Variants in LYRM4 observed in about 807,000 individuals in gnomAD.
The protein encoded by LYRM4 is LYR motif containing 4, also known as LYR motif-containing protein 4.
LYRM4 carries 9 observed loss-of-function variants against 11.7 expected under a neutral mutation model. That is an observed-to-expected ratio of 0.77 (90% CI 0.46 to 1.34). The LOEUF (loss-of-function observed/expected upper bound fraction) is 1.34, where lower values mean the gene tolerates loss of function less well. Among genes scored for constraint, LYRM4 ranks in the 40% most tolerant of loss-of-function variants. The pLI, the probability that LYRM4 is intolerant of heterozygous loss-of-function variation, is 0.00. For missense variants in LYRM4, 133 were observed against 112.5 expected, an observed-to-expected ratio of 1.18 and a Z score of -0.82; for synonymous variants, 42 against 40.4, an observed-to-expected ratio of 1.04 and a Z score of -0.15.
intron 1 of LYRM4, among the ~76,000 whole-genome samples, chr6:5,235,063 A>G (rs1378807293): frequency 1.3e-5 from 2 of 152,110 alleles, no homozygotes; most frequent in Non-Finnish European, 2.9e-5. Context: ...TCTCTTTAAG[A>G]CAGTGCTTGG....
At position 5,108,761 on chromosome 6, in the gene LYRM4, C is replaced by G. The variant is rs534646883; in HGVS notation, c.*662G>C. The G allele has an allele frequency of 8.1e-6, 8 of 984,486 alleles. No individual in the cohort carries two copies. Among genetic ancestry groups the G allele is most frequent in the African/African-American group, 7.0e-5 (4 of 57,342 alleles). 61.0% of individuals were successfully genotyped at this position (984,486 alleles called of 1,614,324 possible). On this transcript the variant is annotated 3_prime_UTR_variant, in exon 3 of 3. Coordinates refer to ENST00000330636, the MANE Select transcript of LYRM4 (RefSeq NM_020408.6). ...TGGGGAGGGGCTTGAGCCTGCATTT[C>G]CAGCAAATTCCCAGGTGGGGCTGAG...
chr6:5,248,475 A>G (rs896070993), intron 1 of LYRM4, among the ~76,000 whole-genome samples: 1 of 152,256 alleles, frequency 6.6e-6, no homozygotes, highest in Non-Finnish European at 1.5e-5. Context: ...ATCTTAGCAC[A>G]GCATACAAAG....
At chr6:5,125,693 G>C (rs984801426) in intron 2 of LYRM4, among the ~76,000 whole-genome samples, 1 of 152,194 alleles carries the variant, frequency 6.6e-6, no homozygotes, top group African/African-American at 2.4e-5. Flanking sequence ...ACGTTCTAAT[G>C]TACTCATATG....
the LYRM4 span, among the ~76,000 whole-genome samples, chr6:5,052,454 C>T: frequency 6.6e-6 from 1 of 151,728 alleles, no homozygotes; most frequent in Non-Finnish European, 1.5e-5. Context: ...CAGTGTATGC[C>T]TTTTTTTTGT....
chr6:5,061,051 A>G, the LYRM4 span, among the ~76,000 whole-genome samples: 1 of 152,204 alleles, frequency 6.6e-6, no homozygotes, highest in Non-Finnish European at 1.5e-5. Flanking sequence ...GCTCAGAAAC[A>G]GTTTATAGTC....
intron 2 of LYRM4, among the ~76,000 whole-genome samples, chr6:5,115,035 T>G (rs1426742898): frequency 6.6e-6 from 1 of 152,252 alleles, no homozygotes; most frequent in Non-Finnish European, 1.5e-5. Flanking sequence ...GCTTATATCA[T>G]TAACTGTTCT....
In LYRM4 at chr6:5,188,073, G is replaced by A. The variant is rs527749710; in HGVS notation, c.207+28545C>T. Among the ~76,000 whole-genome samples the A allele has an allele frequency of 3.9e-5, 6 of 152,308 alleles. 1 individual carries two copies. Among genetic ancestry groups the A allele is most frequent in the African/African-American group, 7.2e-5 (3 of 41,566 alleles). The stretch of plus-strand genomic sequence containing the variant: ...CTAATCTTTAGAATGCATTGGCCAC[G>A]CATGGTGGCTCACACCTGTAATCCC... On this transcript the variant is annotated intron_variant, in intron 2 of 2. Transcript: ENST00000330636.
intron 2 of LYRM4, among the ~76,000 whole-genome samples, chr6:5,200,141 T>C (rs897666891): frequency 6.6e-6 from 1 of 152,196 alleles, no homozygotes; most frequent in Non-Finnish European, 1.5e-5. Context: ...GCTATAAATA[T>C]ATAGGACACT....
the LYRM4 span, among the ~76,000 whole-genome samples, chr6:5,050,429 T>G: frequency 2.0e-5 from 3 of 151,480 alleles, no homozygotes; most frequent in Non-Finnish European, 3.0e-5. Flanking sequence ...TGAGCAGCAT[T>G]GCTGCAACCA....
At chr6:5,128,168 G>C (rs939666883) in intron 2 of LYRM4, among the ~76,000 whole-genome samples, 1 of 152,246 alleles carries the variant, frequency 6.6e-6, no homozygotes, top group East Asian at 1.9e-4. Context: ...AAGCAAACTT[G>C]GTTCTGCTTG....
chr6:5,120,499 C>T, intron 2 of LYRM4, among the ~76,000 whole-genome samples: 1 of 152,180 alleles, frequency 6.6e-6, no homozygotes, highest in East Asian at 1.9e-4. Context: ...AAGTGAGCAG[C>T]AGCAAGATTT....
chr6:5,139,600 A>G (rs528394205), intron 2 of LYRM4, among the ~76,000 whole-genome samples: 1 of 152,324 alleles, frequency 6.6e-6, no homozygotes, highest in Non-Finnish European at 1.5e-5. Context: ...TATGCAGTGA[A>G]CTGTAACCTA....
chr6:5,255,107 C>T (rs772826924), intron 1 of LYRM4, among the ~76,000 whole-genome samples: 4 of 152,194 alleles, frequency 2.6e-5, no homozygotes, highest in African/African-American at 7.2e-5. Flanking sequence ...ATATGACTAT[C>T]TTGACTTCTG....
chr6:5,191,470 G>T (rs928658662), intron 2 of LYRM4, among the ~76,000 whole-genome samples: 2 of 152,182 alleles, frequency 1.3e-5, no homozygotes. Context: ...AAAATGTGTT[G>T]TGAGAGAGTA....
chr6:5,122,531 A>G (rs1012290533), intron 2 of LYRM4, among the ~76,000 whole-genome samples: 9 of 152,128 alleles, frequency 5.9e-5, no homozygotes, highest in African/African-American at 2.2e-4. Context: ...GGTCCAGGGG[A>G]GTCTGATGCT....
intron 2 of LYRM4, among the ~76,000 whole-genome samples, chr6:5,215,355 T>G (rs1581523649): frequency 6.6e-6 from 1 of 152,204 alleles, no homozygotes; most frequent in African/African-American, 2.4e-5. Flanking sequence ...GTTCTAGAGT[T>G]TTCAAAATGC....
At chr6:5,165,264 T>C (rs1211467310) in intron 2 of LYRM4, among the ~76,000 whole-genome samples, 1 of 152,184 alleles carries the variant, frequency 6.6e-6, no homozygotes, top group East Asian at 1.9e-4. Context: ...AATTTGTCAA[T>C]TGCTCTAGCG....
chr6:5,191,723 G>A (rs1289263757), intron 2 of LYRM4, among the ~76,000 whole-genome samples: 1 of 152,144 alleles, frequency 6.6e-6, no homozygotes, highest in African/African-American at 2.4e-5. Context: ...TGAGTGAAAG[G>A]TTGTTGGGGA....
At chr6:5,070,981 G>C in the LYRM4 span, among the ~76,000 whole-genome samples, 1 of 151,538 alleles carries the variant, frequency 6.6e-6, no homozygotes, top group African/African-American at 2.4e-5. Flanking sequence ...CGCGAGGTCA[G>C]GAGATCGAGA....
Sources: allele counts gnomAD v4.1 joint callset (sites outside exome capture counted in the v4.1 genomes callset), GRCh38; gene constraint gnomAD v4.1.1; transcripts MANE v1.5; gene names NCBI Gene and HGNC (gene_info 2026-07-23, HGNC 2026-07-21).